Variants in PPP1R14D observed in about 807,000 individuals in gnomAD.
PPP1R14D encodes the protein protein phosphatase 1 regulatory subunit 14D.
A neutral mutation model predicts 17.1 loss-of-function variants in PPP1R14D; 14 were observed. That is an observed-to-expected ratio of 0.82 (90% CI 0.54 to 1.28). The LOEUF is 1.28. Ranked by LOEUF, PPP1R14D falls within the 50% of genes most tolerant of loss-of-function variation. The pLI is 0.00. For missense variants in PPP1R14D, 173 were observed against 179.2 expected (o/e 0.97, Z 0.20); for synonymous variants, 67 against 66.1 (o/e 1.01, Z -0.06).
chr15:40,816,935 G>A (rs1386840235), intron 1 of PPP1R14D, among the ~76,000 whole-genome samples: 2 of 151,800 alleles, frequency 1.3e-5, no homozygotes, highest in African/African-American at 2.4e-5. Flanking sequence ...AGCTGGGCCT[G>A]GTGGCACATG....
Position 40,815,475 on chromosome 15 carries a change from C to T in PPP1R14D, c.*221G>A. On this transcript the variant is annotated 3_prime_UTR_variant, in exon 4 of 4. Transcript: ENST00000299174. ...CTGGGGCTCCTAAAGGTTTTATCCACTTGGCTGCCAAGGAAGGCATTGGAC... is the reference window on the plus strand; with the variant it reads ...CTGGGGCTCCTAAAGGTTTTATCCATTTGGCTGCCAAGGAAGGCATTGGAC... 1 of 580,318 alleles carries T rather than the reference C, an allele frequency of 1.7e-6. No individual in the cohort carries two copies. The allele number at this position is 580,318 out of a possible 1,614,324, so 35.9% of individuals were successfully genotyped here.
chr15:40,823,217 GC>G lies in PPP1R14D; in HGVS notation c.255+5169del, dbSNP rs1890812155. ...GACCTCAGGTGATCCGTCCACTTCA[GC>G]CTCTCAAAGTGCTGGGATTACAAGC... On this transcript the variant is annotated intron_variant, in intron 1 of 3. Coordinates refer to ENST00000299174, the MANE Select transcript of PPP1R14D (RefSeq NM_017726.8). 2.0e-5 allele frequency among the ~76,000 whole-genome samples: 3 copies of G among 151,986 alleles called. No homozygotes were observed. In the South Asian group the frequency reaches 6.2e-4, roughly 31 times the overall value.
chr15:40,827,694 G>A (rs1182122792), intron 1 of PPP1R14D, among the ~76,000 whole-genome samples: 3 of 152,136 alleles, frequency 2.0e-5, no homozygotes, highest in Non-Finnish European at 4.4e-5. Flanking sequence ...GCCGAGGCAG[G>A]CAGACTGTTT....
intron 1 of PPP1R14D, among the ~76,000 whole-genome samples, chr15:40,827,228 G>T (rs1050267768): frequency 2.0e-5 from 3 of 152,198 alleles, no homozygotes; most frequent in African/African-American, 7.2e-5. Context: ...GCCCATGTTG[G>T]CTGGGTGCGG....
chr15:40,816,741 A>AAAATT (rs796138743), intron 1 of PPP1R14D, among the ~76,000 whole-genome samples: 9 of 151,932 alleles, frequency 5.9e-5, no homozygotes, highest in African/African-American at 2.2e-4. Flanking sequence ...AAATAATAAA[A>AAAATT]AAAGACATCT....
At chr15:40,823,982 G>T (rs1890828212) in intron 1 of PPP1R14D, among the ~76,000 whole-genome samples, 1 of 142,166 alleles carries the variant, frequency 7.0e-6, no homozygotes, top group Non-Finnish European at 1.5e-5. Flanking sequence ...AACATAGCAA[G>T]ACTCCATCTC....
At chr15:40,816,064 A>C in intron 2 of PPP1R14D, 70 bp from the exon 3 acceptor site, 1 of 1,604,116 alleles carries the variant, frequency 6.2e-7, no homozygotes, top group Non-Finnish European at 8.5e-7. Context: ...CCAATCTCCC[A>C]AGAATTCTCC....
chr15:40,819,106 C>A (rs965434679), intron 1 of PPP1R14D, among the ~76,000 whole-genome samples: 2 of 152,158 alleles, frequency 1.3e-5, no homozygotes, highest in Non-Finnish European at 2.9e-5. Context: ...GACATTCTTT[C>A]TGTTATCTTT....
intron 1 of PPP1R14D, among the ~76,000 whole-genome samples, chr15:40,823,471 G>T (rs1288861747): frequency 6.6e-6 from 1 of 152,122 alleles, no homozygotes; most frequent in Non-Finnish European, 1.5e-5. Context: ...AATGTCCTAG[G>T]CCCTCACATT....
At chr15:40,825,216 C>T (rs1890850243) in intron 1 of PPP1R14D, among the ~76,000 whole-genome samples, 2 of 149,926 alleles carry the variant, frequency 1.3e-5, no homozygotes, top group South Asian at 2.1e-4. Context: ...ACCTGGGAGG[C>T]GGAGGTTGCA....
intron 1 of PPP1R14D, among the ~76,000 whole-genome samples, chr15:40,823,106 A>AGCTG (rs1890810021): frequency 6.6e-6 from 1 of 151,478 alleles, no homozygotes; most frequent in Non-Finnish European, 1.5e-5. Context: ...CTGGGATTAC[A>AGCTG]GGTGGCCACC....
At chr15:40,828,276 T>G in intron 1 of PPP1R14D, 111 bp downstream of exon 1, 3 of 1,388,718 alleles carry the variant, frequency 2.2e-6, no homozygotes, top group Non-Finnish European at 2.9e-6. Context: ...TTACAAAAGC[T>G]TTCTCTTCAC....
chr15:40,823,842 T>C (rs1415135176), intron 1 of PPP1R14D, among the ~76,000 whole-genome samples: 1 of 151,904 alleles, frequency 6.6e-6, no homozygotes, highest in Non-Finnish European at 1.5e-5. Context: ...TGACTATATA[T>C]TGAATATAAG....
At chr15:40,818,510 A>G (rs1297155834) in intron 1 of PPP1R14D, among the ~76,000 whole-genome samples, 1 of 152,150 alleles carries the variant, frequency 6.6e-6, no homozygotes, top group Non-Finnish European at 1.5e-5. Flanking sequence ...ATGACAGTTA[A>G]ATAAGCCAGT....
At chr15:40,827,527 G>T (rs529820357) in intron 1 of PPP1R14D, among the ~76,000 whole-genome samples, 1 of 152,192 alleles carries the variant, frequency 6.6e-6, no homozygotes, top group African/African-American at 2.4e-5. Context: ...AAAGAAAAAA[G>T]AAATGTGGCC....
rs1034490345 is a variant in PPP1R14D, at chr15:40,815,625, C to T, written c.*71G>A. On this transcript the variant is annotated 3_prime_UTR_variant, in exon 4 of 4. Transcript: ENST00000299174. The stretch of plus-strand genomic sequence containing the variant: ...GTTTGTGTCCCAAGGAGCTATTTCC[C>T]TCTTAGCCAGGATCTGGAGTTTCAG... 1.3e-6 allele frequency: 2 copies of T among 1,562,206 alleles called. No homozygotes were observed. Among genetic ancestry groups the T allele is most frequent in the Non-Finnish European group, 1.7e-6 (2 of 1,148,004 alleles).
At chr15:40,823,807 T>C (rs965398738) in intron 1 of PPP1R14D, among the ~76,000 whole-genome samples, 2 of 151,992 alleles carry the variant, frequency 1.3e-5, no homozygotes, top group Non-Finnish European at 2.9e-5. Context: ...TTTCACAGAA[T>C]GTATCCCTGT....
At chr15:40,822,120 A>G (rs1420088489) in intron 1 of PPP1R14D, among the ~76,000 whole-genome samples, 1 of 152,088 alleles carries the variant, frequency 6.6e-6, no homozygotes, top group Non-Finnish European at 1.5e-5. Context: ...CTATTTTTTA[A>G]AAAACATTTT....
intron 1 of PPP1R14D, among the ~76,000 whole-genome samples, chr15:40,823,795 C>G (rs1234414257): frequency 1.3e-5 from 2 of 151,964 alleles, no homozygotes; most frequent in African/African-American, 2.4e-5. Flanking sequence ...AACAATGTAG[C>G]ATTTCACAGA....
Sources: gnomAD v4.1 joint callset for allele counts (sites outside exome capture counted in the v4.1 genomes callset) on GRCh38, gnomAD v4.1.1 for gene constraint, MANE v1.5 for transcripts, NCBI Gene and HGNC (gene_info 2026-07-23, HGNC 2026-07-21) for gene names.